The following DNMT3A variants were observed in gnomAD, a reference collection of about 807,000 sequenced individuals.
The protein encoded by DNMT3A is DNA methyltransferase 3 alpha, also known as DNA (cytosine-5)-methyltransferase 3A.
In DNMT3A, 267 loss-of-function variants were observed where a neutral mutation model predicts 117.6. The observed-to-expected ratio is 2.27, with a 90% CI of 2.05 to 2.51. The LOEUF (loss-of-function observed/expected upper bound fraction) is 2.51. Among genes scored for constraint, DNMT3A ranks in the 30% most tolerant of loss-of-function variants. The pLI is 0.00. For synonymous variants in DNMT3A, 432 were observed against 474.8 expected, an observed-to-expected ratio of 0.91 and a Z score of 1.17; for missense variants, 1,029 against 1,260.2, an observed-to-expected ratio of 0.82 and a Z score of 2.78.
In DNMT3A at chr2:25,275,040, G is replaced by A. The variant is rs1285016364; in HGVS notation, c.540C>T (p.Leu180=). The A allele has an allele frequency of 2.5e-6, 4 of 1,606,370 alleles. No homozygotes were observed. In the South Asian group the frequency reaches 4.5e-5, roughly 18 times the overall value. Residue 180 remains leucine, a synonymous_variant, in exon 6 of 23, where the codon CTC becomes CTT. Transcript: ENST00000321117. ...TGAGCCTCGGCATGGGCCGCTGACG[G>A]AGGCTGGACTCCCAGCCCAAGCCAC... ...LRGGLGWESS[L]RQRPMPRLTF...
chr2:25,325,627 CT>C (rs1277577144), intron 1 of DNMT3A, among the ~76,000 whole-genome samples: 3 of 152,174 alleles, frequency 2.0e-5, no homozygotes, highest in Non-Finnish European at 4.4e-5. Flanking sequence ...TATTATAATG[CT>C]TTCCCTGGGA....
Position 25,244,248 on chromosome 2 carries a change from G to C in DNMT3A, c.1758C>G (p.Cys586Trp). The C allele has an allele frequency of 1.2e-6, 2 of 1,613,904 alleles. No individual in the cohort carries two copies. Among genetic ancestry groups the C allele is most frequent in the Non-Finnish European group, 1.7e-6 (2 of 1,179,980 alleles). Residue 586 changes from cysteine (C) to tryptophan (W), a missense_variant, in exon 15 of 23, where the codon TGC becomes TGG. By Grantham distance (215) the Cys-to-Trp change is radical (BLOSUM62 -2). Coordinates refer to ENST00000321117, the MANE Select transcript of DNMT3A (RefSeq NM_022552.5). ...IKEDPWNCYM[C>W]GHKGTYGLLR... ...GCAGCCCGTAGGTACCCTTGTGCCCGCACATGTAGCAGTTCCAGGGGTCTT... is the reference window on the plus strand; with the variant it reads ...GCAGCCCGTAGGTACCCTTGTGCCCCCACATGTAGCAGTTCCAGGGGTCTT...
chr2:25,229,282 T>G lies in DNMT3A; in HGVS notation c.*4997A>C, dbSNP rs1266072198. 1.3e-5 allele frequency: 2 copies of G among 152,640 alleles called. No homozygotes were observed. The highest frequency in any genetic ancestry group is 3.9e-4 in the East Asian group (2 of 5,172). 9.5% of individuals were successfully genotyped at this position (152,640 alleles called of 1,614,324 possible). On this transcript the variant is annotated 3_prime_UTR_variant, in exon 23 of 23. Coordinates refer to ENST00000321117, the MANE Select transcript of DNMT3A (RefSeq NM_022552.5). The stretch of plus-strand genomic sequence containing the variant: ...GTCCTCCTGACCCCAGCACAGGGCC[T>G]GGTAAGGAGGCGGCTGACACTTTCC...
chr2:25,312,494 C>T (rs774056721), intron 2 of DNMT3A, among the ~76,000 whole-genome samples: 9 of 152,100 alleles, frequency 5.9e-5, no homozygotes, highest in East Asian at 1.9e-4. Flanking sequence ...GGTCCCTGGG[C>T]GTCATGTGCA....
chr2:25,332,649 C>T (rs2035058095), intron 1 of DNMT3A, among the ~76,000 whole-genome samples: 1 of 152,248 alleles, frequency 6.6e-6, no homozygotes, highest in African/African-American at 2.4e-5. Context: ...CGTGCCCTGG[C>T]TCCCTCTGAT....
Position 25,243,893 on chromosome 2 carries a change from C to T in DNMT3A, c.1936+5G>A, listed in dbSNP as rs1484891054. On this transcript the variant is annotated splice_donor_5th_base_variant and intron_variant, in intron 16 of 22. Transcript: ENST00000321117. ...GCCAGCACCTCTTGGGCCTGCACCC[C>T]TCACCTGTAGCGATTCCATCAAAGA... The T allele has an allele frequency of 6.4e-7, 1 of 1,551,936 alleles. No homozygotes were observed. Among genetic ancestry groups the T allele is most frequent in the Middle Eastern group, 1.7e-4 (1 of 5,992 alleles).
chr2:25,276,810 T>TG (rs557096294), intron 4 of DNMT3A, among the ~76,000 whole-genome samples: 34 of 151,866 alleles, frequency 2.2e-4, no homozygotes, highest in African/African-American at 8.0e-4. Flanking sequence ...TAGCTTGGGG[T>TG]GGGGGGAGAC....
intron 6 of DNMT3A, among the ~76,000 whole-genome samples, chr2:25,253,890 G>T (rs971743388): frequency 6.6e-6 from 1 of 152,114 alleles, no homozygotes; most frequent in Non-Finnish European, 1.5e-5. Context: ...TGACTAACAT[G>T]GTGAAACCTT....
intron 19 of DNMT3A, chr2:25,239,582 G>A (rs1020192555): frequency 1.9e-6 from 1 of 529,686 alleles, no homozygotes; most frequent in Non-Finnish European, 3.8e-6. Context: ...CATGTGGCTG[G>A]TGGCTACCAT....
chr2:25,273,664 C>A (rs964055038), intron 6 of DNMT3A, among the ~76,000 whole-genome samples: 15 of 152,200 alleles, frequency 9.9e-5, no homozygotes, highest in Non-Finnish European at 1.8e-4. Flanking sequence ...CTTTCAGCCT[C>A]CATTTTCTCA....
intron 1 of DNMT3A, among the ~76,000 whole-genome samples, chr2:25,338,916 C>T (rs1342761254): frequency 1.3e-5 from 2 of 152,120 alleles, no homozygotes; most frequent in Non-Finnish European, 2.9e-5. Flanking sequence ...GAAAAGGAAA[C>T]CTCAGAAATT....
intron 4 of DNMT3A, among the ~76,000 whole-genome samples, chr2:25,278,468 A>AT (rs996331291): frequency 1.3e-5 from 2 of 152,192 alleles, no homozygotes; most frequent in African/African-American, 4.8e-5. Flanking sequence ...CAGTTGCATA[A>AT]TCTTGGGTAA....
intron 6 of DNMT3A, among the ~76,000 whole-genome samples, chr2:25,266,272 G>A (rs1158546880): frequency 6.6e-6 from 1 of 152,224 alleles, no homozygotes; most frequent in Non-Finnish European, 1.5e-5. Flanking sequence ...TCTCCTTCAA[G>A]GGTGATGTTA....
At position 25,311,334 on chromosome 2, in the gene DNMT3A, C is replaced by T. The variant is rs1029183488; in HGVS notation, c.72+2579G>A. Reference sequence around the variant, plus strand: ...CCTCTGCAGCTACCAGCACCCCTGCCGCAGGCCTGGCTTTCATGGGCTGCT... The same window carrying T: ...CCTCTGCAGCTACCAGCACCCCTGCTGCAGGCCTGGCTTTCATGGGCTGCT... On this transcript the variant is annotated intron_variant, in intron 2 of 22. Transcript: ENST00000321117. This position sits in a 1 kb window ranked among gnomAD's most constrained non-coding sequence, Gnocchi z 5.2. Among the ~76,000 whole-genome samples the T allele has an allele frequency of 4.6e-5, 7 of 152,198 alleles. No homozygotes were observed. The highest frequency in any genetic ancestry group is 1.9e-4 in the East Asian group (1 of 5,190).
Position 25,304,852 on chromosome 2 carries a change from C to T in DNMT3A, c.73-4609G>A, listed in dbSNP as rs2033704149. ...CCTCAGGTTTATCAGCAAACTGTTA[C>T]TCGCTTTTCCAGCCTCCTATCCTGG... On this transcript the variant is annotated intron_variant, in intron 2 of 22. Coordinates refer to ENST00000321117, the MANE Select transcript of DNMT3A (RefSeq NM_022552.5). The surrounding 1 kb of genome is among the most constrained non-coding windows in gnomAD (Gnocchi z 4.3). Among the ~76,000 whole-genome samples, 2 of 152,236 alleles carry T rather than the reference C, an allele frequency of 1.3e-5. No homozygotes were observed. The highest frequency in any genetic ancestry group is 4.8e-5 in the African/African-American group (2 of 41,454).
chr2:25,280,087 C>A (rs986057256), intron 4 of DNMT3A, among the ~76,000 whole-genome samples: 1 of 152,068 alleles, frequency 6.6e-6, no homozygotes, highest in African/African-American at 2.4e-5. Context: ...TCTGAAAGTC[C>A]CAGACCCAGG....
Position 25,236,956 on chromosome 2 carries a change from C to G in DNMT3A, c.2458G>C (p.Glu820Gln). 1 of 1,613,552 alleles carries G rather than the reference C, an allele frequency of 6.2e-7. No homozygotes were observed. The highest frequency in any genetic ancestry group is 8.5e-7 in the Non-Finnish European group (1 of 1,179,844). The change falls in exon 21 of 23, where the codon GAG (glutamate) becomes CAG (glutamine). Residue 820 changes from glutamate to glutamine, a missense_variant. Glu to Gln is a conservative substitution (Grantham distance 29). Transcript: ENST00000321117. This position sits in a 1 kb window ranked among gnomAD's most constrained non-coding sequence, Gnocchi z 4.5. ...NDKLELQECL[E>Q]HGRIAKFSKV... ...CTGACCTTGGCTATCCTGCCATGCT[C>G]CAGACACTCCTGCAGCTCCAGCTTA...
intron 6 of DNMT3A, among the ~76,000 whole-genome samples, chr2:25,264,606 G>A (rs2030105243): frequency 6.6e-6 from 1 of 151,864 alleles, no homozygotes; most frequent in Non-Finnish European, 1.5e-5. Context: ...TAGCTGGGAG[G>A]TGCCTGCCAC....
At chr2:25,271,039 C>T (rs917660315) in intron 6 of DNMT3A, among the ~76,000 whole-genome samples, 2 of 151,004 alleles carry the variant, frequency 1.3e-5, no homozygotes, top group Admixed American at 1.3e-4. Flanking sequence ...AAACAAAAAC[C>T]AAAAAACAAA....
Sources: gnomAD v4.1 joint callset for allele counts (sites outside exome capture counted in the v4.1 genomes callset) on GRCh38, gnomAD v4.1.1 for gene constraint, Gnocchi (gnomAD v3.1) non-coding constraint, MANE v1.5 for transcripts, NCBI Gene and HGNC (gene_info 2026-07-23, HGNC 2026-07-21) for gene names.